Variants in CASK observed in about 807,000 individuals in gnomAD.
The protein encoded by CASK is peripheral plasma membrane protein CASK.
In CASK, 4 loss-of-function variants were observed where a neutral mutation model predicts 82.9. The ratio of observed to expected loss-of-function variants is 0.05; its 90% confidence interval spans 0.02 to 0.11. The LOEUF (loss-of-function observed/expected upper bound fraction) is 0.11. Ranked by LOEUF, CASK falls within the 10% of genes least tolerant of loss-of-function variation. The pLI, the probability that CASK is intolerant of heterozygous loss-of-function variation, is 1.00. For missense variants in CASK, 358 were observed against 720.9 expected (o/e 0.50, Z 5.76); for synonymous variants, 259 against 253.5 (o/e 1.02, Z -0.20).
Position 41,768,316 on chromosome X carries a change from A to G in CASK, c.278+18862T>C, listed in dbSNP as rs2069153016. Among the ~76,000 whole-genome samples, 3 of 111,854 alleles carry G rather than the reference A, an allele frequency of 2.7e-5. No individual in the cohort carries two copies. In the South Asian group the frequency reaches 1.1e-3, roughly 41 times the overall value. On this transcript the variant is annotated intron_variant, in intron 3 of 26. Transcript: ENST00000378163. ...GCTTAAATTAGAGGAGGACATTCAGAAACAAAAATCTAGGTGTGGGTATGC... is the reference window on the plus strand; with the variant it reads ...GCTTAAATTAGAGGAGGACATTCAGGAACAAAAATCTAGGTGTGGGTATGC...
At chrX:41,551,002 T>C (rs1028024161) in intron 21 of CASK, among the ~76,000 whole-genome samples, 8 of 112,249 alleles carry the variant, frequency 7.1e-5, no homozygotes, top group African/African-American at 2.6e-4. Flanking sequence ...GTTTCTACTA[T>C]CTGTCATTTC....
intron 8 of CASK, among the ~76,000 whole-genome samples, chrX:41,651,091 G>A (rs1033375710): frequency 8.9e-6 from 1 of 112,149 alleles, no homozygotes; most frequent in Non-Finnish European, 1.9e-5. Context: ...TACTTAGAAC[G>A]AGAACTATAA....
chrX:41,791,030 G>A (rs1209330668), intron 2 of CASK, among the ~76,000 whole-genome samples: 3 of 111,609 alleles, frequency 2.7e-5, no homozygotes, highest in African/African-American at 9.8e-5. Context: ...AGCACAAAAT[G>A]TACCTGGGAA....
intron 3 of CASK, among the ~76,000 whole-genome samples, chrX:41,750,794 T>C (rs761125237): frequency 3.3e-4 from 37 of 112,436 alleles, no homozygotes; most frequent in Non-Finnish European, 5.6e-4. Context: ...GATCAGAATA[T>C]GCCACTCCAA....
intron 2 of CASK, among the ~76,000 whole-genome samples, chrX:41,819,917 T>C (rs940767277): frequency 1.8e-5 from 2 of 111,850 alleles, no homozygotes; most frequent in African/African-American, 3.2e-5. Context: ...ATAAAACAAA[T>C]TCTTGAATCT....
chrX:41,534,392 AACAC>A (rs56349527), intron 24 of CASK, among the ~76,000 whole-genome samples: 4,322 of 91,071 alleles, frequency 0.047, 88 homozygotes, highest in Admixed American at 0.079. Context: ...TTTTATTTAA[AACAC>A]ACACACACAC....
intron 1 of CASK, among the ~76,000 whole-genome samples, chrX:41,865,337 T>G (rs760797126): frequency 1.3e-4 from 15 of 111,862 alleles, no homozygotes; most frequent in African/African-American, 4.5e-4. Flanking sequence ...TTCCTTCTGA[T>G]AGCTTAGCCA....
intron 9 of CASK, among the ~76,000 whole-genome samples, chrX:41,628,435 C>G (rs1447460531): frequency 2.7e-5 from 3 of 111,274 alleles, no homozygotes; most frequent in African/African-American, 9.8e-5. Flanking sequence ...TCCCAAGTAG[C>G]TGGGACTACA....
intron 5 of CASK, among the ~76,000 whole-genome samples, chrX:41,733,487 G>A (rs1422494597): frequency 9.0e-6 from 1 of 111,304 alleles, no homozygotes; most frequent in Admixed American, 9.6e-5. Flanking sequence ...GGTGGCTCAC[G>A]CCTGTAATCC....
intron 21 of CASK, among the ~76,000 whole-genome samples, chrX:41,550,156 G>A (rs1477400524): frequency 8.9e-6 from 1 of 111,808 alleles, no homozygotes; most frequent in Non-Finnish European, 1.9e-5. Context: ...GCGAGACTCC[G>A]TCTCCAAAAA....
At chrX:41,734,551 G>C (rs921522842) in intron 5 of CASK, among the ~76,000 whole-genome samples, 1 of 112,147 alleles carries the variant, frequency 8.9e-6, no homozygotes, top group African/African-American at 3.2e-5. Context: ...GGAAGAAGAT[G>C]ACAGAAAAAA....
At chrX:41,594,396 C>A (rs760923275) in intron 12 of CASK, among the ~76,000 whole-genome samples, 19 of 112,191 alleles carry the variant, frequency 1.7e-4, no homozygotes, top group Non-Finnish European at 3.0e-4. Context: ...AAAAGAACCA[C>A]GCATTAGACA....
chrX:41,624,566 C>T (rs2066335590), intron 10 of CASK, among the ~76,000 whole-genome samples: 1 of 112,007 alleles, frequency 8.9e-6, no homozygotes, highest in African/African-American at 3.2e-5. Flanking sequence ...ACATAGTATA[C>T]ATTTATGGGG....
intron 5 of CASK, among the ~76,000 whole-genome samples, chrX:41,699,207 G>A (rs1003872772): frequency 9.0e-6 from 1 of 111,658 alleles, no homozygotes; most frequent in Non-Finnish European, 1.9e-5. Context: ...TTACAGGCAT[G>A]AGCCACCGCG....
intron 2 of CASK, among the ~76,000 whole-genome samples, chrX:41,827,542 G>T (rs2070693284): frequency 1.8e-5 from 2 of 111,836 alleles, no homozygotes; most frequent in African/African-American, 6.5e-5. Flanking sequence ...TTCCAAAGGC[G>T]CCATCTTCTA....
chrX:41,729,065 A>C (rs1253626083), intron 5 of CASK: 1 of 123,592 alleles, frequency 8.1e-6, no homozygotes. Context: ...TATTAGTGAC[A>C]AACAGTACCT....
intron 16 of CASK, among the ~76,000 whole-genome samples, chrX:41,566,575 G>A (rs956504753): frequency 1.1e-4 from 12 of 111,767 alleles, no homozygotes; most frequent in African/African-American, 2.6e-4. Context: ...ATTGCTCAAC[G>A]AAATAAATGA....
At chrX:41,556,961 AC>A in intron 19 of CASK, 70 bp downstream of exon 19, 2 of 803,936 alleles carry the variant, frequency 2.5e-6, no homozygotes, top group Non-Finnish European at 3.8e-6. Flanking sequence ...AACACATGTA[AC>A]TAGAACACTC....
Position 41,515,371 on chromosome X carries a change from A to C in CASK, c.*5049T>G, listed in dbSNP as rs1325789483. 1 of 112,465 alleles carries C rather than the reference A, an allele frequency of 8.9e-6. No homozygotes were observed. The highest frequency in any genetic ancestry group is 1.9e-5 in the Non-Finnish European group (1 of 53,310). 9.3% of individuals were successfully genotyped at this position (112,465 alleles called of 1,213,427 possible). On this transcript the variant is annotated 3_prime_UTR_variant, in exon 27 of 27. Coordinates refer to ENST00000378163, the MANE Select transcript of CASK (RefSeq NM_001367721.1). ...AATTGGATACGGTGAAATATACAAC[A>C]ACCATTAACATCTCTCTCTTTTTAT...
Sources: allele counts gnomAD v4.1 joint callset (sites outside exome capture counted in the v4.1 genomes callset), GRCh38; gene constraint gnomAD v4.1.1; transcripts MANE v1.5; gene names NCBI Gene and HGNC (gene_info 2026-07-23, HGNC 2026-07-21).